The following TBK1 variants were observed in gnomAD, a reference collection of about 807,000 sequenced individuals.
TBK1 encodes the protein TANK binding kinase 1, also known as serine/threonine-protein kinase TBK1.
A neutral mutation model predicts 99.9 loss-of-function variants in TBK1; 37 were observed. The observed-to-expected ratio is 0.37, with a 90% confidence interval of 0.28 to 0.49. The LOEUF (loss-of-function observed/expected upper bound fraction) is 0.49, where lower values mean the gene tolerates loss of function less well. Among genes scored for constraint, TBK1 ranks in the 20% least tolerant of loss-of-function variants. The pLI is 0.98. For missense variants in TBK1, 644 were observed against 872.5 expected, an observed-to-expected ratio of 0.74 and a Z score of 3.30; for synonymous variants, 258 against 279.8, an observed-to-expected ratio of 0.92 and a Z score of 0.78.
At chr12:64,474,451 C>G in intron 6 of TBK1, 61 bp downstream of exon 6, 1 of 1,484,818 alleles carries the variant, frequency 6.7e-7, no homozygotes, top group South Asian at 1.3e-5. Context: ...TGTCTTGGTT[C>G]ATCTTATTGT....
At chr12:64,500,465 AT>A (rs987722915) in intron 20 of TBK1, among the ~76,000 whole-genome samples, 1 of 151,708 alleles carries the variant, frequency 6.6e-6, no homozygotes, top group Non-Finnish European at 1.5e-5. Context: ...GTAATAACCT[AT>A]TTTTTTTCTT....
chr12:64,476,253 G>A (rs1405735898), intron 6 of TBK1, among the ~76,000 whole-genome samples: 1 of 145,520 alleles, frequency 6.9e-6, no homozygotes, highest in African/African-American at 2.5e-5. Flanking sequence ...CGCCTCCCTG[G>A]TTCACGCTAT....
At chr12:64,491,577 C>T (rs533512706) in intron 13 of TBK1, among the ~76,000 whole-genome samples, 6 of 152,228 alleles carry the variant, frequency 3.9e-5, no homozygotes, top group African/African-American at 1.2e-4. Flanking sequence ...GAGCCGAGAT[C>T]GTGCCACTTG....
intron 13 of TBK1, among the ~76,000 whole-genome samples, chr12:64,492,056 GAAA>G (rs2040875337): frequency 6.6e-6 from 1 of 152,156 alleles, no homozygotes; most frequent in African/African-American, 2.4e-5. Context: ...TTAAAAGTCA[GAAA>G]GCACAAAATA....
rs114784185 is a variant in TBK1, at chr12:64,495,317, A to G, written c.1522-166A>G. ...TTATCATACTGTACCCCTGGTGGAA[A>G]TCAACCTAAGAAACTCTTTTGTATT... On this transcript the variant is annotated intron_variant, in intron 13 of 20. Transcript: ENST00000331710. 1.8e-3 allele frequency: 1,440 copies of G among 801,510 alleles called. 17 individuals carry two copies. In the African/African-American group the frequency reaches 0.018, roughly 10 times the overall value. 49.6% of individuals were successfully genotyped at this position (801,510 alleles called of 1,614,324 possible).
intron 1 of TBK1, among the ~76,000 whole-genome samples, chr12:64,455,174 C>T (rs11175397): frequency 6.6e-6 from 1 of 151,344 alleles, no homozygotes; most frequent in Non-Finnish European, 1.5e-5. Flanking sequence ...TTTGTGGAGA[C>T]GGGGTTTTGC....
chr12:64,484,422 C>G lies in TBK1; in HGVS notation c.1112C>G (p.Pro371Arg). The change falls in exon 9 of 21, where the codon CCT (proline) becomes CGT (arginine). Residue 371 changes from proline to arginine, a missense_variant. Pro to Arg is a moderately radical substitution (Grantham distance 103, BLOSUM62 -2). Transcript: ENST00000331710. ...LEPGRLAQHF[P>R]KTTEENPIFV... The stretch of plus-strand genomic sequence containing the variant: ...CCTGGAAGGCTGGCACAACATTTCC[C>G]TAAAACTACTGAGGAAAACCCTATA... The G allele has an allele frequency of 6.2e-7, 1 of 1,614,064 alleles. No individual in the cohort carries two copies. Among genetic ancestry groups the G allele is most frequent in the Admixed American group, 1.7e-5 (1 of 59,996 alleles).
chr12:64,486,007 C>T lies in TBK1; in HGVS notation c.1330C>T (p.Arg444Ter), dbSNP rs142030898. The T allele has an allele frequency of 3.8e-6, 6 of 1,583,282 alleles. No homozygotes were observed. Among genetic ancestry groups the T allele is most frequent in the Non-Finnish European group, 4.3e-6 (5 of 1,166,144 alleles). ...TCAGGAATTAATGCGAAAGGGGATACGATGGCTGATGTAAGTAATAGATTG... is the reference window on the plus strand; with the variant it reads ...TCAGGAATTAATGCGAAAGGGGATATGATGGCTGATGTAAGTAATAGATTG... ...LYQELMRKGI[R>*]WLIELIKDDY... The change falls in exon 11 of 21, where the codon CGA becomes TGA. Residue 444 changes from arginine to a stop codon, truncating the protein, a stop_gained. Transcript: ENST00000331710. LOFTEE classifies it high-confidence loss of function.
At chr12:64,465,086 A>G (rs1312831379) in intron 4 of TBK1, among the ~76,000 whole-genome samples, 1 of 146,958 alleles carries the variant, frequency 6.8e-6, no homozygotes, top group Non-Finnish European at 1.5e-5. Context: ...TCTACAAAAA[A>G]TAAAATAAAA....
chr12:64,490,129 TA>T lies in TBK1; in HGVS notation c.1521+11del. The T allele has an allele frequency of 6.3e-7, 1 of 1,593,208 alleles. No individual in the cohort carries two copies. The highest frequency in any genetic ancestry group is 8.6e-7 in the Non-Finnish European group (1 of 1,166,810). ...CACCAAATTGTTGAGAGTAAGTGTT[TA>T]CAAAATTACGAAATTTGTAAGCTCA... On this transcript the variant is annotated intron_variant, in intron 13 of 20. Coordinates refer to ENST00000331710, the MANE Select transcript of TBK1 (RefSeq NM_013254.4).
chr12:64,469,867 T>G (rs2040644719), intron 5 of TBK1, among the ~76,000 whole-genome samples: 1 of 152,132 alleles, frequency 6.6e-6, no homozygotes, highest in Non-Finnish European at 1.5e-5. Flanking sequence ...GCCCAGCTCC[T>G]TGTCTCTGGA....
chr12:64,464,341 C>T lies in TBK1; in HGVS notation c.236C>T (p.Thr79Ile), dbSNP rs1311776680. 1.3e-6 allele frequency: 2 copies of T among 1,566,026 alleles called. No individual in the cohort carries two copies. Among genetic ancestry groups the T allele is most frequent in the Non-Finnish European group, 1.7e-6 (2 of 1,160,486 alleles). Reference protein sequence around the residue: ...KLFAIEEETTTRHKVLIMEFC... With the variant: ...KLFAIEEETTIRHKVLIMEFC... ...AATGATTTTTTTTTTCAGACAACAA[C>T]AAGACATAAAGTACTTATTATGGAA... Residue 79 changes from threonine (T) to isoleucine (I), a missense_variant, in exon 4 of 21, where the codon ACA becomes ATA. Around this residue, in one of 3 missense-constraint regions of TBK1, gnomAD observed 148 missense variants for 202.1 expected, o/e 0.73. Coordinates refer to ENST00000331710, the MANE Select transcript of TBK1 (RefSeq NM_013254.4).
Position 64,462,614 on chromosome 12 carries a change from C to G in TBK1, c.229-1720C>G, listed in dbSNP as rs142786162. 8.9e-3 allele frequency among the ~76,000 whole-genome samples: 1,351 copies of G among 151,666 alleles called. 16 individuals carry two copies. The highest frequency in any genetic ancestry group is 0.03 in the South Asian group (145 of 4,798). ...TTTTTTTTTTCTACTATGATTATTT[C>G]TCTCTCTTTTTTGAAATGACTGCCA... On this transcript the variant is annotated intron_variant, in intron 3 of 20. Transcript: ENST00000331710.
At chr12:64,478,246 G>C (rs969255345) in intron 6 of TBK1, among the ~76,000 whole-genome samples, 2 of 152,176 alleles carry the variant, frequency 1.3e-5, no homozygotes, top group African/African-American at 4.8e-5. Context: ...TACCTGCCAG[G>C]TTCAAGCAAT....
chr12:64,475,948 G>T (rs553449160), intron 6 of TBK1, among the ~76,000 whole-genome samples: 3 of 152,126 alleles, frequency 2.0e-5, no homozygotes, highest in Admixed American at 6.5e-5. Context: ...GCTGCTTTTC[G>T]TAGGGGCTGA....
intron 1 of TBK1, among the ~76,000 whole-genome samples, chr12:64,453,774 A>G (rs903174763): frequency 3.3e-5 from 5 of 152,208 alleles, no homozygotes; most frequent in African/African-American, 9.6e-5. Context: ...GCATACATCA[A>G]TTTTAGTCCA....
chr12:64,483,197 T>TA (rs2040784900), intron 8 of TBK1, among the ~76,000 whole-genome samples: 1 of 152,238 alleles, frequency 6.6e-6, no homozygotes, highest in Non-Finnish European at 1.5e-5. Context: ...ACTGGATGGA[T>TA]ACCCCATTCT....
At chr12:64,481,484 C>T (rs61933201) in intron 7 of TBK1, among the ~76,000 whole-genome samples, 14,610 of 152,118 alleles carry the variant, frequency 0.096, 848 homozygotes, top group Middle Eastern at 0.21. Flanking sequence ...GGTCTTGGCA[C>T]GGTGGCATAC....
chr12:64,481,804 A>G, intron 7 of TBK1, 38 bp from the exon 8 acceptor site: 1 of 1,435,500 alleles, frequency 7.0e-7, no homozygotes, highest in Non-Finnish European at 9.3e-7. Context: ...AGAATATGAT[A>G]TATTCACTCT....
Sources: gnomAD v4.1 joint callset for allele counts (sites outside exome capture counted in the v4.1 genomes callset) on GRCh38, gnomAD v4.1.1 for gene constraint, gnomAD v4.1.1 regional missense constraint, MANE v1.5 for transcripts, NCBI Gene and HGNC (gene_info 2026-07-23, HGNC 2026-07-21) for gene names.